Variants in NAV3 observed in about 807,000 individuals in gnomAD.
The protein encoded by NAV3 is neuron navigator 3, also known as pore membrane and/or filament interacting like protein 1.
A neutral mutation model predicts 244.7 loss-of-function variants in NAV3; 87 were observed. The ratio of observed to expected loss-of-function variants is 0.36; its 90% CI spans 0.30 to 0.42. The LOEUF is 0.42. Among genes scored for constraint, NAV3 ranks in the 20% least tolerant of loss-of-function variants. The pLI is 1.00. For synonymous variants in NAV3, 1,126 were observed against 1,042.2 expected (o/e 1.08, Z -1.55); for missense variants, 2,663 against 2,893.3 (o/e 0.92, Z 1.83).
chr12:78,108,698 C>T (rs1042553620), intron 12 of NAV3, among the ~76,000 whole-genome samples: 4 of 152,074 alleles, frequency 2.6e-5, no homozygotes, highest in African/African-American at 7.2e-5. Flanking sequence ...ACAACATGTT[C>T]CTGGTTGATC....
chr12:78,164,559 T>G (rs1957700388), intron 23 of NAV3, among the ~76,000 whole-genome samples: 1 of 152,034 alleles, frequency 6.6e-6, no homozygotes, highest in Non-Finnish European at 1.5e-5. Flanking sequence ...ATTGCTGGAG[T>G]CAGATGATGC....
intron 30 of NAV3, among the ~76,000 whole-genome samples, chr12:78,183,131 C>A (rs1052571351): frequency 6.6e-6 from 1 of 151,896 alleles, no homozygotes; most frequent in African/African-American, 2.4e-5. Context: ...AAAATATAGA[C>A]AGAGGACCAT....
chr12:77,778,884 C>T (rs965645311), intron 2 of NAV3, among the ~76,000 whole-genome samples: 1 of 151,962 alleles, frequency 6.6e-6, no homozygotes, highest in Non-Finnish European at 1.5e-5. Flanking sequence ...AAGCTGAATC[C>T]GTTTGTTTAG....
intron 9 of NAV3, among the ~76,000 whole-genome samples, chr12:78,043,834 T>G (rs1419960566): frequency 6.6e-6 from 1 of 152,226 alleles, no homozygotes; most frequent in Non-Finnish European, 1.5e-5. Context: ...ATATTAGCCC[T>G]TTGTCAGATG....
intron 2 of NAV3, among the ~76,000 whole-genome samples, chr12:77,685,333 G>A (rs1005204580): frequency 3.9e-5 from 6 of 152,072 alleles, no homozygotes; most frequent in Admixed American, 1.3e-4. Context: ...TGACATGTGC[G>A]CCATCTGCTG....
intron 12 of NAV3, among the ~76,000 whole-genome samples, chr12:78,093,508 A>G (rs1472282566): frequency 6.6e-6 from 1 of 152,196 alleles, no homozygotes; most frequent in Non-Finnish European, 1.5e-5. Context: ...TAATGGAAGC[A>G]AGTCCAGATA....
intron 2 of NAV3, among the ~76,000 whole-genome samples, chr12:77,787,543 G>C (rs897875828): frequency 2.0e-5 from 3 of 152,162 alleles, no homozygotes; most frequent in African/African-American, 7.2e-5. Context: ...AAAGGGGGAT[G>C]CCCCTTAGAA....
intron 2 of NAV3, among the ~76,000 whole-genome samples, chr12:77,754,352 A>G (rs1476663884): frequency 6.6e-6 from 1 of 152,098 alleles, no homozygotes; most frequent in Non-Finnish European, 1.5e-5. Flanking sequence ...GGAAAGGGAT[A>G]ACAATGTATG....
intron 2 of NAV3, among the ~76,000 whole-genome samples, chr12:77,681,434 C>T (rs1018006303): frequency 2.6e-5 from 4 of 152,036 alleles, no homozygotes; most frequent in Non-Finnish European, 4.4e-5. Context: ...GCATCAAAGC[C>T]GAATGACAGT....
At chr12:77,680,884 G>A (rs1319586399) in intron 2 of NAV3, among the ~76,000 whole-genome samples, 1 of 152,106 alleles carries the variant, frequency 6.6e-6, no homozygotes, top group African/African-American at 2.4e-5. Flanking sequence ...GTACTCAATA[G>A]CATTTTTTAT....
intron 5 of NAV3, among the ~76,000 whole-genome samples, chr12:77,993,229 T>C (rs1871749966): frequency 6.6e-6 from 1 of 152,204 alleles, no homozygotes; most frequent in Admixed American, 6.5e-5. Flanking sequence ...TATTGTTTCA[T>C]TGTCATCTAT....
At chr12:77,692,776 T>C (rs1288495172) in intron 2 of NAV3, among the ~76,000 whole-genome samples, 3 of 152,080 alleles carry the variant, frequency 2.0e-5, no homozygotes. Context: ...AAAAAAAATA[T>C]GTTTCTGCCC....
chr12:77,646,462 TTCTC>T (rs931452011), intron 2 of NAV3, among the ~76,000 whole-genome samples: 2 of 147,930 alleles, frequency 1.4e-5, no homozygotes, highest in East Asian at 1.9e-4. Flanking sequence ...GAAGGCGTTC[TTCTC>T]TCTCTCTTTC....
Position 78,100,849 on chromosome 12 carries a change from C to T in NAV3, c.2637-15923C>T, listed in dbSNP as rs552682331. On this transcript the variant is annotated intron_variant, in intron 12 of 39. Coordinates refer to ENST00000397909, the MANE Select transcript of NAV3 (RefSeq NM_001024383.2). ...TATTTTTACAATAAATGTGAAATACCCTTTTTGACAATATCTACAAATATT... is the reference window on the plus strand; with the variant it reads ...TATTTTTACAATAAATGTGAAATACTCTTTTTGACAATATCTACAAATATT... Among the ~76,000 whole-genome samples, 7 of 152,042 alleles carry T rather than the reference C, an allele frequency of 4.6e-5. No homozygotes were observed. The East Asian group carries it at 9.7e-4, about 21-fold the overall frequency.
In NAV3 at chr12:77,890,785, A is replaced by G. The variant is rs938075152; in HGVS notation, c.244-49534A>G. On this transcript the variant is annotated intron_variant, in intron 1 of 39. Transcript: ENST00000397909. ...TTACTTCACAATAAGTATTCATTGA[A>G]TATGTGTAAACATCTCACACAGCTA... is the stretch of plus-strand genomic sequence containing the variant. 4.6e-5 allele frequency among the ~76,000 whole-genome samples: 7 copies of G among 152,342 alleles called. No individual in the cohort carries two copies. The East Asian group carries it at 1.4e-3, about 29-fold the overall frequency.
At chr12:78,092,987 C>T (rs1041264026) in intron 12 of NAV3, among the ~76,000 whole-genome samples, 10 of 152,134 alleles carry the variant, frequency 6.6e-5, no homozygotes, top group African/African-American at 2.2e-4. Context: ...TGGGGAAACA[C>T]GCCAAACCAT....
intron 2 of NAV3, among the ~76,000 whole-genome samples, chr12:77,810,752 T>G (rs1180867636): frequency 1.3e-5 from 2 of 152,332 alleles, no homozygotes; most frequent in South Asian, 4.1e-4. Flanking sequence ...CAATACTAGT[T>G]TTTTTCAATC....
At chr12:77,847,755 C>G (rs949923861) in intron 1 of NAV3, among the ~76,000 whole-genome samples, 2 of 152,144 alleles carry the variant, frequency 1.3e-5, no homozygotes, top group African/African-American at 4.8e-5. Flanking sequence ...AAGAAAGTCT[C>G]TGATGTCTTA....
Position 78,122,029 on chromosome 12 carries a change from C to T in NAV3, c.3839C>T (p.Thr1280Ile), listed in dbSNP as rs1387036101. The change falls in exon 16 of 40, where the codon ACC becomes ATC. Residue 1280 changes from threonine (T) to isoleucine (I), a missense_variant. By Grantham distance (89) the Thr-to-Ile change is moderately conservative. This residue lies in a region of NAV3 where 354 missense variants were observed against 413.0 expected (regional missense o/e 0.86). Coordinates refer to ENST00000397909, the MANE Select transcript of NAV3 (RefSeq NM_001024383.2). ...KSSSVMPSPS[T>I]TLARQGSLES... Reference sequence around the variant, plus strand: ...TCCTCAGTAATGCCCAGCCCTAGTACCACATTAGCGCGGCAAGGCAGTCTG... The same window carrying T: ...TCCTCAGTAATGCCCAGCCCTAGTATCACATTAGCGCGGCAAGGCAGTCTG... The T allele has an allele frequency of 2.5e-6, 4 of 1,614,098 alleles. No individual in the cohort carries two copies. Among genetic ancestry groups the T allele is most frequent in the South Asian group, 1.1e-5 (1 of 91,092 alleles).
Sources: gnomAD v4.1 joint callset for allele counts (sites outside exome capture counted in the v4.1 genomes callset) on GRCh38, gnomAD v4.1.1 for gene constraint, gnomAD v4.1.1 regional missense constraint, MANE v1.5 for transcripts, NCBI Gene and HGNC (gene_info 2026-07-23, HGNC 2026-07-21) for gene names.